Variants in IMMT observed in about 807,000 individuals in gnomAD.
The protein encoded by IMMT is inner membrane mitochondrial protein.
In IMMT, 40 loss-of-function variants were observed where a neutral mutation model predicts 92.7. That is an observed-to-expected ratio of 0.43 (90% CI 0.34 to 0.56). The LOEUF (loss-of-function observed/expected upper bound fraction) is 0.56, where lower values mean the gene tolerates loss of function less well. Ranked by LOEUF, IMMT falls within the 20% of genes least tolerant of loss-of-function variation. The pLI is 0.03. For synonymous variants in IMMT, 322 were observed against 336.1 expected, an observed-to-expected ratio of 0.96 and a Z score of 0.46; for missense variants, 831 against 912.1, an observed-to-expected ratio of 0.91 and a Z score of 1.14.
Position 86,158,578 on chromosome 2 carries a change from T to G in IMMT, c.1162+14A>C, listed in dbSNP as rs764793216. 3 of 1,578,010 alleles carry G rather than the reference T, an allele frequency of 1.9e-6. No homozygotes were observed. Among genetic ancestry groups the G allele is most frequent in the Non-Finnish European group, 2.6e-6 (3 of 1,158,068 alleles). ...AAAACATCAAAAAAAAAACATTACT[T>G]CAGTTGTACTCACTCATTCCTTTCC... On this transcript the variant is annotated intron_variant, in intron 10 of 14. Transcript: ENST00000410111.
intron 4 of IMMT, 126 bp from the exon 5 acceptor site, chr2:86,171,471 G>T: frequency 4.8e-6 from 4 of 831,020 alleles, no homozygotes; most frequent in Non-Finnish European, 8.0e-6. Context: ...TATTTGTACT[G>T]CCACATGTTT....
At position 86,164,459 on chromosome 2, in the gene IMMT, G is replaced by A. The variant is rs977359408; in HGVS notation, c.792+2049C>T. On this transcript the variant is annotated intron_variant, in intron 7 of 14. Coordinates refer to ENST00000410111, the MANE Select transcript of IMMT (RefSeq NM_006839.3). ...AATCCCAGCACTTTTGGGAGGTGGA[G>A]GCAGGTAGATCACTTGAGGTCATGA... 2.6e-5 allele frequency among the ~76,000 whole-genome samples: 4 copies of A among 151,958 alleles called. 1 individual carries two copies. The highest frequency in any genetic ancestry group is 2.6e-4 in the Admixed American group (4 of 15,250).
At chr2:86,153,876 G>A (rs2104744981) in intron 10 of IMMT, among the ~76,000 whole-genome samples, 1 of 151,154 alleles carries the variant, frequency 6.6e-6, no homozygotes, top group Non-Finnish European at 1.5e-5. Flanking sequence ...TTGTTTTTTT[G>A]TTTTGAGACA....
rs770823699 is a variant in IMMT, at chr2:86,144,446, T to G, written c.2099A>C (p.His700Pro). Residue 700 changes from histidine (H) to proline (P), a missense_variant, in exon 15 of 15, where the codon CAT (histidine) becomes CCT (proline). Physicochemically the swap from His to Pro is moderately conservative, Grantham distance 77. Coordinates refer to ENST00000410111, the MANE Select transcript of IMMT (RefSeq NM_006839.3). ...LLSYASYCIE[H>P]GDLELAAKFV... is the part of the protein sequence containing the mutation. The stretch of plus-strand genomic sequence containing the variant: ...CTTTGCTGCTAGCTCCAGATCACCA[T>G]GCTCAATGCAATAGGAAGCATATGA... 3 of 1,613,900 alleles carry G rather than the reference T, an allele frequency of 1.9e-6. No homozygotes were observed. The highest frequency in any genetic ancestry group is 1.3e-5 in the African/African-American group (1 of 74,930).
At chr2:86,192,376 G>A (rs1292346344) in intron 1 of IMMT, among the ~76,000 whole-genome samples, 1 of 152,050 alleles carries the variant, frequency 6.6e-6, no homozygotes, top group Non-Finnish European at 1.5e-5. Context: ...GGGAGGCCGA[G>A]GTGGGCATAT....
At chr2:86,160,175 A>G (rs1228127266) in intron 8 of IMMT, 5 of 152,540 alleles carry the variant, frequency 3.3e-5, no homozygotes, top group African/African-American at 7.2e-5. Context: ...GTAGCATGGT[A>G]TATGGAGTGA....
chr2:86,162,961 G>T (rs1443826207), intron 7 of IMMT, among the ~76,000 whole-genome samples: 1 of 152,072 alleles, frequency 6.6e-6, no homozygotes, highest in African/African-American at 2.4e-5. Context: ...ATAATATTAG[G>T]AAGAAAACCC....
intron 7 of IMMT, among the ~76,000 whole-genome samples, chr2:86,163,065 T>C (rs949296733): frequency 1.3e-5 from 2 of 152,250 alleles, no homozygotes; most frequent in Non-Finnish European, 2.9e-5. Flanking sequence ...CAGGGTGCAG[T>C]GGCTCATGCC....
chr2:86,149,131 C>T (rs114202521), intron 12 of IMMT, among the ~76,000 whole-genome samples: 323 of 152,212 alleles, frequency 2.1e-3, no homozygotes, highest in Non-Finnish European at 3.9e-3. Flanking sequence ...ATAAACAGGG[C>T]AACATAACAG....
chr2:86,182,571 T>C (rs1484809048), intron 1 of IMMT, among the ~76,000 whole-genome samples: 1 of 152,220 alleles, frequency 6.6e-6, no homozygotes, highest in Non-Finnish European at 1.5e-5. Context: ...GGCTCATGCC[T>C]GTAATCCCAG....
chr2:86,179,171 T>C (rs555263664), intron 3 of IMMT, among the ~76,000 whole-genome samples: 1 of 152,304 alleles, frequency 6.6e-6, no homozygotes, highest in Non-Finnish European at 1.5e-5. Context: ...ATAATGAAAA[T>C]TTAGACAGCA....
chr2:86,149,748 T>G (rs962138310), intron 12 of IMMT, among the ~76,000 whole-genome samples: 2 of 152,054 alleles, frequency 1.3e-5, no homozygotes, highest in Non-Finnish European at 2.9e-5. Flanking sequence ...TGTGGTGGCA[T>G]GCACCTGTAA....
At chr2:86,147,673 G>A in intron 13 of IMMT, 29 bp downstream of exon 13, 18 of 1,600,376 alleles carry the variant, frequency 1.1e-5, no homozygotes, top group Non-Finnish European at 1.5e-5. Flanking sequence ...AGGAAGAGGG[G>A]TGTGGCTGAA....
chr2:86,173,850 T>C, intron 3 of IMMT, 89 bp from the exon 4 acceptor site: 1 of 673,964 alleles, frequency 1.5e-6, no homozygotes. Flanking sequence ...TGCCAAGTCT[T>C]TCAGGCTTTT....
Position 86,170,785 on chromosome 2 carries a change from CA to C in IMMT, c.618del (p.Ala207HisfsTer14). 6.3e-7 allele frequency: 1 copy of C among 1,589,500 alleles called. No individual in the cohort carries two copies. Among genetic ancestry groups the C allele is most frequent in the Non-Finnish European group, 8.6e-7 (1 of 1,166,394 alleles). On this transcript the variant is annotated frameshift_variant, in exon 6 of 15. Transcript: ENST00000410111. LOFTEE classifies it high-confidence loss of function. ...ERPPEEVAARLAQQEKQEQVK... is the reference protein window; with the variant it reads ...ERPPEEVAARXAQQEKQEQVK... ...ACTTGTTCTTGTTTTTCCTGTTGTGCAAGGCGAGCTGCAACTTCTTCAGGTG... is the reference window on the plus strand; with the variant it reads ...ACTTGTTCTTGTTTTTCCTGTTGTGCAGGCGAGCTGCAACTTCTTCAGGTG...
Position 86,171,228 on chromosome 2 carries a change from T to C in IMMT, c.539A>G (p.Lys180Arg). 1 of 1,598,406 alleles carries C rather than the reference T, an allele frequency of 6.3e-7. No homozygotes were observed. Among genetic ancestry groups the C allele is most frequent in the Non-Finnish European group, 8.5e-7 (1 of 1,171,512 alleles). The change falls in exon 5 of 15, where the codon AAA (lysine) becomes AGA (arginine). Residue 180 changes from lysine to arginine, a missense_variant. Transcript: ENST00000410111. ...KTDHPEIGEGKPTPALSEEAS... is the reference protein window; with the variant it reads ...KTDHPEIGEGRPTPALSEEAS... ...ATTACCTGAAAGTGCAGGTGTGGGT[T>C]TTCCTTCACCAATTTCAGGGTGATC...
chr2:86,148,239 T>G (rs1047922611), intron 12 of IMMT, among the ~76,000 whole-genome samples: 1 of 152,244 alleles, frequency 6.6e-6, no homozygotes, highest in Non-Finnish European at 1.5e-5. Flanking sequence ...CTGTGTGACC[T>G]TGGGGAAATG....
chr2:86,195,157 T>C (rs1023908104), intron 1 of IMMT, among the ~76,000 whole-genome samples, 181 bp downstream of exon 1: 1 of 152,114 alleles, frequency 6.6e-6, no homozygotes, highest in East Asian at 1.9e-4. Flanking sequence ...TAACCTCAAG[T>C]CATCCCAGTC....
intron 6 of IMMT, among the ~76,000 whole-genome samples, chr2:86,169,408 G>A (rs1252702020): frequency 6.6e-6 from 1 of 152,138 alleles, no homozygotes; most frequent in Non-Finnish European, 1.5e-5. Context: ...CCAAATCCAA[G>A]TAGGAAAACT....
Sources: gnomAD v4.1 joint callset for allele counts (sites outside exome capture counted in the v4.1 genomes callset) on GRCh38, gnomAD v4.1.1 for gene constraint, MANE v1.5 for transcripts, NCBI Gene and HGNC (gene_info 2026-07-23, HGNC 2026-07-21) for gene names.